NFASC: variants seen among roughly 807,000 people sequenced by gnomAD.
NFASC encodes the protein neurofascin homolog.
In NFASC, 43 loss-of-function variants were observed where a neutral mutation model predicts 147.5. The ratio of observed to expected loss-of-function variants is 0.29; its 90% confidence interval spans 0.23 to 0.38. The LOEUF is 0.38. Ranked by LOEUF, NFASC falls within the 10% of genes least tolerant of loss-of-function variation. The pLI is 1.00. For synonymous variants in NFASC, 622 were observed against 665.5 expected (o/e 0.93, Z 1.01); for missense variants, 1,320 against 1,689.0 (o/e 0.78, Z 3.83).
chr1:205,012,630 T>C (rs1032813368), intron 28 of NFASC, 167 bp from the exon 29 acceptor site: 46 of 641,422 alleles, frequency 7.2e-5, no homozygotes, highest in Non-Finnish European at 9.4e-5. Flanking sequence ...GGCAACTGAT[T>C]GAGTACAGGA....
intron 1 of NFASC, chr1:204,870,575 C>T (rs2077525991): frequency 1.3e-6 from 1 of 753,404 alleles, no homozygotes; most frequent in African/African-American, 1.9e-5. Context: ...CTGGCCCGGC[C>T]TGGTACGTCT....
At chr1:204,902,615 G>T (rs929746268) in intron 1 of NFASC, among the ~76,000 whole-genome samples, 5 of 152,176 alleles carry the variant, frequency 3.3e-5, no homozygotes, top group Non-Finnish European at 5.9e-5. Flanking sequence ...GTGGAGGGGT[G>T]GGGAGAAGGA....
At chr1:204,870,953 C>T in intron 1 of NFASC, 1 of 1,276,004 alleles carries the variant, frequency 7.8e-7, no homozygotes, top group Non-Finnish European at 1.0e-6. Context: ...AGGCCTAAGT[C>T]TGCCAGCTGG....
intron 23 of NFASC, 51 bp from the exon 24 acceptor site, chr1:204,991,241 T>G (rs2095725402): frequency 2.5e-6 from 4 of 1,602,974 alleles, no homozygotes; most frequent in Non-Finnish European, 1.7e-6. Context: ...TCTCTTCCCT[T>G]TTCCATCCTT....
At chr1:204,950,439 C>G in intron 3 of NFASC, 118 bp from the exon 4 acceptor site, 1 of 935,992 alleles carries the variant, frequency 1.1e-6, no homozygotes, top group Non-Finnish European at 1.7e-6. Flanking sequence ...TCAGCGCCCT[C>G]CCCAGGCACA....
chr1:204,936,296 G>C (rs1331760880), intron 2 of NFASC, among the ~76,000 whole-genome samples: 3 of 138,020 alleles, frequency 2.2e-5, no homozygotes, highest in Non-Finnish European at 3.0e-5. Context: ...CCACCTCCCA[G>C]GTTCAAGTGA....
chr1:204,975,553 G>T lies in NFASC; in HGVS notation c.1706+135G>T, dbSNP rs951849139. On this transcript the variant is annotated intron_variant, in intron 15 of 29. Transcript: ENST00000339876. This position sits in a 1 kb window ranked among gnomAD's most constrained non-coding sequence, Gnocchi z 4.0. ...ATGTCACCAAGGAGCTTCTGCAGAG[G>T]GGGTGATGGCCTGGGCAACTCCCCT... is the stretch of plus-strand genomic sequence containing the variant. 15 of 1,235,006 alleles carry T rather than the reference G, an allele frequency of 1.2e-5. No individual in the cohort carries two copies. In the African/African-American group the frequency reaches 1.5e-4, roughly 12 times the overall value. 76.5% of individuals were successfully genotyped at this position (1,235,006 alleles called of 1,614,324 possible). A position where few individuals can be genotyped will look rare whatever the true frequency, so the allele number is the denominator to read the frequency against.
At position 204,968,727 on chromosome 1, in the gene NFASC, C is replaced by T; in HGVS notation, c.819-71C>T. On this transcript the variant is annotated intron_variant, in intron 9 of 29. Transcript: ENST00000339876. This position sits in a 1 kb window ranked among gnomAD's most constrained non-coding sequence, Gnocchi z 5.4. Reference sequence around the variant, plus strand: ...GTATACTTTTAGGCCACCTGGGTGTCCCCAGCTGTATAGAAGAGGAGAAAG... The same window carrying T: ...GTATACTTTTAGGCCACCTGGGTGTTCCCAGCTGTATAGAAGAGGAGAAAG... The T allele has an allele frequency of 7.0e-7, 1 of 1,423,854 alleles. No individual in the cohort carries two copies. The allele number at this position is 1,423,854 out of a possible 1,614,324, so 88.2% of individuals were successfully genotyped here. A position where few individuals can be genotyped will look rare whatever the true frequency, so the allele number is the denominator to read the frequency against.
chr1:204,908,785 T>G (rs1206878214), intron 1 of NFASC, among the ~76,000 whole-genome samples: 1 of 152,208 alleles, frequency 6.6e-6, no homozygotes, highest in Non-Finnish European at 1.5e-5. Flanking sequence ...ATATATCATT[T>G]ACATCATATA....
intron 12 of NFASC, 127 bp from the exon 13 acceptor site, chr1:204,974,052 G>A (rs192199166): frequency 4.3e-6 from 3 of 691,942 alleles, no homozygotes; most frequent in African/African-American, 1.8e-5. Context: ...AGGGAAGGTT[G>A]ATAGGGGAAG....
At chr1:204,921,923 C>T (rs1459153055) in intron 2 of NFASC, among the ~76,000 whole-genome samples, 3 of 151,972 alleles carry the variant, frequency 2.0e-5, no homozygotes, top group African/African-American at 7.3e-5. Flanking sequence ...TTTCAGAGAC[C>T]ACCTGGGAAA....
chr1:204,966,162 A>G (rs910703946), intron 8 of NFASC, among the ~76,000 whole-genome samples: 1 of 152,078 alleles, frequency 6.6e-6, no homozygotes, highest in African/African-American at 2.4e-5. Context: ...CCCACATCCT[A>G]CAAATGCAAT....
At position 204,957,787 on chromosome 1, in the gene NFASC, A is replaced by G. The variant is rs142051080; in HGVS notation, c.667A>G (p.Ile223Val). Residue 223 changes from isoleucine (I) to valine (V), a missense_variant, in exon 8 of 30, where the codon ATC becomes GTC. Around this residue, in one of 3 missense-constraint regions of NFASC, gnomAD observed 981 missense variants for 1,289.5 expected, o/e 0.76. Coordinates refer to ENST00000339876, the MANE Select transcript of NFASC (RefSeq NM_001005388.3). ...CGCCCGCTTCCACTTCACCCACACC[A>G]TCCAGCAGAAGAACCCTTTCACCCT... ...CNARFHFTHT[I>V]QQKNPFTLKV... The G allele has an allele frequency of 1.4e-5, 23 of 1,613,976 alleles. No individual in the cohort carries two copies. The highest frequency in any genetic ancestry group is 1.9e-5 in the Non-Finnish European group (23 of 1,180,024).
intron 27 of NFASC, among the ~76,000 whole-genome samples, chr1:205,006,056 ACCT>A (rs1378225118): frequency 1.3e-5 from 2 of 152,068 alleles, no homozygotes; most frequent in Non-Finnish European, 2.9e-5. Context: ...GCACAAACCA[ACCT>A]CCTTGCAAAA....
At chr1:205,000,914 G>C in intron 25 of NFASC, 2 of 528,462 alleles carry the variant, frequency 3.8e-6, no homozygotes, top group South Asian at 4.2e-5. Context: ...TCCCTCCGAA[G>C]TCCTCCCGAC....
intron 1 of NFASC, among the ~76,000 whole-genome samples, chr1:204,883,927 G>C (rs2080817769): frequency 6.6e-6 from 1 of 152,180 alleles, no homozygotes; most frequent in Non-Finnish European, 1.5e-5. Flanking sequence ...CACCTAGCGT[G>C]GTGCTCCCTC....
chr1:205,012,671 T>C, intron 28 of NFASC, 126 bp from the exon 29 acceptor site: 1 of 761,408 alleles, frequency 1.3e-6, no homozygotes, highest in South Asian at 1.4e-5. Context: ...GGATGGTGCC[T>C]TGTTAAAAAA....
chr1:204,957,882 C>G, intron 8 of NFASC, 56 bp downstream of exon 8: 1 of 1,539,642 alleles, frequency 6.5e-7, no homozygotes, highest in South Asian at 1.1e-5. Flanking sequence ...CCCACTGATC[C>G]CACCCAGCCC....
At chr1:204,842,805 C>A (rs569554758) in intron 1 of NFASC, among the ~76,000 whole-genome samples, 24 of 152,340 alleles carry the variant, frequency 1.6e-4, no homozygotes, top group Admixed American at 1.1e-3. Context: ...ACTGGTGGGC[C>A]CGCAGATTCC....
Sources: allele counts gnomAD v4.1 joint callset (sites outside exome capture counted in the v4.1 genomes callset), GRCh38; gene constraint gnomAD v4.1.1; regional missense constraint gnomAD v4.1.1; non-coding constraint Gnocchi (gnomAD v3.1); transcripts MANE v1.5; gene names NCBI Gene and HGNC (gene_info 2026-07-23, HGNC 2026-07-21).